Variants in SLC35G1 observed in about 807,000 individuals in gnomAD.
SLC35G1 encodes partner of STIM1.
A neutral mutation model predicts 17.1 loss-of-function variants in SLC35G1; 10 were observed. The ratio of observed to expected loss-of-function variants is 0.59; its 90% CI spans 0.36 to 0.99. SLC35G1 has a LOEUF of 0.99. Ranked by LOEUF, SLC35G1 falls within the 50% of genes least tolerant of loss-of-function variation. SLC35G1 has a pLI of 0.01. For synonymous variants in SLC35G1, 185 were observed against 181.1 expected (o/e 1.02, Z -0.18); for missense variants, 433 against 468.4 (o/e 0.92, Z 0.70).
downstream of SLC35G1, chr10:93,908,792 C>G (rs757664995): frequency 2.0e-5 from 3 of 152,042 alleles, no homozygotes; most frequent in Non-Finnish European, 2.9e-5. Flanking sequence ...TGCCCAAGAG[C>G]CTAGGCATGA....
chr10:93,905,239 G>A (rs1034330683), downstream of SLC35G1, among the ~76,000 whole-genome samples: 1 of 152,122 alleles, frequency 6.6e-6, no homozygotes, highest in Non-Finnish European at 1.5e-5. Context: ...ATTCTAGTGG[G>A]AAGAGAGCCA....
chr10:93,900,074 C>T (rs760086275), intron 2 of SLC35G1, among the ~76,000 whole-genome samples: 1 of 152,154 alleles, frequency 6.6e-6, no homozygotes, highest in Non-Finnish European at 1.5e-5. Flanking sequence ...AGAGTGGGTA[C>T]TTAGTAAATA....
At chr10:93,903,859 CTT>C (rs144750187), downstream of SLC35G1, 522 of 152,214 alleles carry the variant, frequency 3.4e-3, 4 homozygotes, top group African/African-American at 0.012. Context: ...AAATATATAA[CTT>C]ATTTCCCTTT....
Position 93,900,881 on chromosome 10 carries a change from G to A in SLC35G1, c.489G>A (p.Thr163=), listed in dbSNP as rs1427433265. The change falls in exon 3 of 3, where the codon ACG becomes ACA. Residue 163 remains threonine (T), a synonymous_variant. Coordinates refer to ENST00000427197, the MANE Select transcript of SLC35G1 (RefSeq NM_001134658.3). ...CCCTCGCTGATGCCACAGTTATCAC[G>A]TTTAGCAGTCCAGTGTTTACGTCCA... is the stretch of plus-strand genomic sequence containing the variant. ...TMSLADATVI[T]FSSPVFTSIF... 1.1e-5 allele frequency: 18 copies of A among 1,613,882 alleles called. No individual in the cohort carries two copies. Among genetic ancestry groups the A allele is most frequent in the East Asian group, 2.2e-5 (1 of 44,886 alleles).
At position 93,900,792 on chromosome 10, in the gene SLC35G1, A is replaced by G. The variant is rs753691179; in HGVS notation, c.400A>G (p.Ile134Val). 2 of 1,610,606 alleles carry G rather than the reference A, an allele frequency of 1.2e-6. No homozygotes were observed. The highest frequency in any genetic ancestry group is 3.3e-5 in the Admixed American group (2 of 59,842). ...IGPKGQRIFLILRGVLGSTAM... is the reference protein window; with the variant it reads ...IGPKGQRIFLVLRGVLGSTAM... The stretch of plus-strand genomic sequence containing the variant: ...CCCAAAAGGTCAACGAATTTTCCTC[A>G]TTCTCAGAGGAGTCCTTGGTTCTAC... Residue 134 changes from isoleucine (I) to valine (V), a missense_variant, in exon 3 of 3, where the codon ATT becomes GTT. Transcript: ENST00000427197.
intron 2 of SLC35G1, 87 bp downstream of exon 2, chr10:93,898,838 TC>T: frequency 7.6e-7 from 1 of 1,317,528 alleles, no homozygotes; most frequent in Non-Finnish European, 1.0e-6. Flanking sequence ...ATCTGCTTTA[TC>T]CATCTCATAT....
chr10:93,905,637 G>A (rs1245621526), downstream of SLC35G1, among the ~76,000 whole-genome samples: 1 of 152,146 alleles, frequency 6.6e-6, no homozygotes, highest in Non-Finnish European at 1.5e-5. Context: ...TATCAAGGGA[G>A]GGCAGTAAAT....
chr10:93,906,739 A>T (rs893082985), downstream of SLC35G1, among the ~76,000 whole-genome samples: 2 of 152,230 alleles, frequency 1.3e-5, no homozygotes, highest in Admixed American at 6.5e-5. Flanking sequence ...ATAATAAAAT[A>T]TAATAAAGTT....
At position 93,901,609 on chromosome 10, in the gene SLC35G1, T is replaced by A; in HGVS notation, c.*119T>A. On this transcript the variant is annotated 3_prime_UTR_variant, in exon 3 of 3. Transcript: ENST00000427197. ...CATTGGTTGTATTTAATAAATTGCCTAAAGTACCATTTTTGAATATAGTAT... is the reference window on the plus strand; with the variant it reads ...CATTGGTTGTATTTAATAAATTGCCAAAAGTACCATTTTTGAATATAGTAT... 8.5e-7 allele frequency: 1 copy of A among 1,175,010 alleles called. No homozygotes were observed. The highest frequency in any genetic ancestry group is 1.1e-6 in the Non-Finnish European group (1 of 880,020). The allele number at this position is 1,175,010 out of a possible 1,614,324, so 72.8% of individuals were successfully genotyped here.
rs1220536801 is a variant in SLC35G1, at chr10:93,901,989, T to G, written c.*499T>G. 6.6e-6 allele frequency: 1 copy of G among 152,666 alleles called. No individual in the cohort carries two copies. The highest frequency in any genetic ancestry group is 1.5e-5 in the Non-Finnish European group (1 of 68,132). The allele number at this position is 152,666 out of a possible 1,614,324, so 9.5% of individuals were successfully genotyped here. A position where few individuals can be genotyped will look rare whatever the true frequency, so the allele number is the denominator to read the frequency against. ...TAATTCATTTGCAACCTTATTCTAT[T>G]TAGGAGGATGAAGTTGAAGCTTAGA... On this transcript the variant is annotated 3_prime_UTR_variant, in exon 3 of 3. Coordinates refer to ENST00000427197, the MANE Select transcript of SLC35G1 (RefSeq NM_001134658.3).
At chr10:93,898,779 A>G (rs766499241) in intron 2 of SLC35G1, 28 bp downstream of exon 2, 1 of 1,577,106 alleles carries the variant, frequency 6.3e-7, no homozygotes, top group African/African-American at 1.4e-5. Context: ...GCAAAGTAGA[A>G]GATATTAATA....
In SLC35G1 at chr10:93,901,662, T is replaced by A; in HGVS notation, c.*172T>A. The A allele has an allele frequency of 1.4e-6, 1 of 720,766 alleles. No individual in the cohort carries two copies. Among genetic ancestry groups the A allele is most frequent in the East Asian group, 3.3e-5 (1 of 30,750 alleles). The allele number at this position is 720,766 out of a possible 1,614,324, so 44.6% of individuals were successfully genotyped here. A position where few individuals can be genotyped will look rare whatever the true frequency, so the allele number is the denominator to read the frequency against. On this transcript the variant is annotated 3_prime_UTR_variant, in exon 3 of 3. Transcript: ENST00000427197. Reference sequence around the variant, plus strand: ...CTTTAGTTAAGAATAGCTAGTCTGTTTGGTGTAACAATTTTTTGGTAGCTT... The same window carrying A: ...CTTTAGTTAAGAATAGCTAGTCTGTATGGTGTAACAATTTTTTGGTAGCTT...
intron 1 of SLC35G1, among the ~76,000 whole-genome samples, chr10:93,898,225 A>G (rs992351985): frequency 6.6e-6 from 1 of 152,158 alleles, no homozygotes; most frequent in African/African-American, 2.4e-5. Context: ...ACTTGGAAGG[A>G]TTTTTTACTT....
At position 93,902,292 on chromosome 10, in the gene SLC35G1, T is replaced by C. The variant is rs1279173826; in HGVS notation, c.*802T>C. On this transcript the variant is annotated 3_prime_UTR_variant, in exon 3 of 3. Coordinates refer to ENST00000427197, the MANE Select transcript of SLC35G1 (RefSeq NM_001134658.3). The stretch of plus-strand genomic sequence containing the variant: ...TTTCTTAACATTCCAAGATTTCAGA[T>C]CTCTAAATCACAAAGAGAAATCTTG... The C allele has an allele frequency of 6.6e-6, 1 of 152,604 alleles. No individual in the cohort carries two copies. The highest frequency in any genetic ancestry group is 1.5e-5 in the Non-Finnish European group (1 of 68,020). 9.5% of individuals were successfully genotyped at this position (152,604 alleles called of 1,614,324 possible).
intron 2 of SLC35G1, 66 bp downstream of exon 2, chr10:93,898,817 A>G (rs1054192859): frequency 1.7e-5 from 25 of 1,441,270 alleles, no homozygotes; most frequent in Admixed American, 6.4e-5. Context: ...TCACCTGCCT[A>G]TAATTACTCT....
intron 1 of SLC35G1, among the ~76,000 whole-genome samples, chr10:93,898,307 G>T (rs535499723): frequency 6.6e-6 from 1 of 152,292 alleles, no homozygotes; most frequent in South Asian, 2.1e-4. Context: ...TGACTTGTAA[G>T]TGAGGATGAT....
exon 3 of SLC35G1, chr10:93,909,374 C>G (rs190559519): frequency 3.9e-5 from 6 of 151,946 alleles, no homozygotes; most frequent in African/African-American, 1.4e-4. Flanking sequence ...ACTTCAAGCT[C>G]AAATCCTCTT....
intron 1 of SLC35G1, among the ~76,000 whole-genome samples, chr10:93,896,253 C>T (rs1364713278): frequency 6.6e-6 from 1 of 152,106 alleles, no homozygotes; most frequent in Non-Finnish European, 1.5e-5. Context: ...ACCTTGTCCT[C>T]CCAAGGTGCT....
rs200697879 is a variant in SLC35G1 at position 93,901,711 on chromosome 10, G to T, written c.*221G>T. Reference sequence around the variant, plus strand: ...TTTGGTTTTGGTTTTGGTTTTTTTTGTTGTTGTTGTTGGGGTCAAGTTGGT... The same window carrying T: ...TTTGGTTTTGGTTTTGGTTTTTTTTTTTGTTGTTGTTGGGGTCAAGTTGGT... On this transcript the variant is annotated 3_prime_UTR_variant, in exon 3 of 3. Coordinates refer to ENST00000427197, the MANE Select transcript of SLC35G1 (RefSeq NM_001134658.3). The T allele has an allele frequency of 1.6e-5, 2 of 125,886 alleles. No homozygotes were observed. Among genetic ancestry groups the T allele is most frequent in the African/African-American group, 3.7e-5 (1 of 27,130 alleles). The allele number at this position is 125,886 out of a possible 1,614,324, so 7.8% of individuals were successfully genotyped here.
Sources: allele counts gnomAD v4.1 joint callset (sites outside exome capture counted in the v4.1 genomes callset), GRCh38; gene constraint gnomAD v4.1.1; transcripts MANE v1.5; gene names NCBI Gene and HGNC (gene_info 2026-07-23, HGNC 2026-07-21).